The following SSTR3 variants were observed in gnomAD, a reference collection of about 807,000 sequenced individuals.
SSTR3 encodes the protein somatostatin receptor type 3.
For synonymous variants in SSTR3, 281 were observed against 269.2 expected, an observed-to-expected ratio of 1.04 and a Z score of -0.43; for missense variants, 504 against 604.7, an observed-to-expected ratio of 0.83 and a Z score of 1.75.
At chr22:37,215,199 G>A (rs1216368517), upstream of SSTR3, among the ~76,000 whole-genome samples, 1 of 152,036 alleles carries the variant, frequency 6.6e-6, no homozygotes, top group Non-Finnish European at 1.5e-5. Flanking sequence ...TAGTGAACCT[G>A]TATATATATG....
In SSTR3 at chr22:37,206,707, T is replaced by C. The variant is rs763537466; in HGVS notation, c.1097A>G (p.Lys366Arg). Residue 366 changes from lysine (K) to arginine (R), a missense_variant, in exon 2 of 2, where the codon AAG becomes AGG. Lys to Arg is a conservative substitution (Grantham distance 26). Transcript: ENST00000610913. Reference protein sequence around the residue: ...EDGEESREGGKGKEMNGRVSQ... With the variant: ...EDGEESREGGRGKEMNGRVSQ... ...GACCCGGCCGTTCATCTCCTTCCCC[T>C]TGCCCCCCTCCCTGCTCTCCTCCCC... The C allele has an allele frequency of 6.4e-7, 1 of 1,573,560 alleles. No homozygotes were observed. The highest frequency in any genetic ancestry group is 1.1e-5 in the South Asian group (1 of 90,532).
Position 37,206,654 on chromosome 22 carries a change from C to T in SSTR3, c.1150G>A (p.Gly384Arg), listed in dbSNP as rs1416970859. ...VSQITQPGTSGQERPPSRVAS... is the reference protein window; with the variant it reads ...VSQITQPGTSRQERPPSRVAS... Reference sequence around the variant, plus strand: ...ACTCTGCTGGGCGGCCGCTCCTGCCCGCTGGTGCCAGGCTGCGTGATCTGG... The same window carrying T: ...ACTCTGCTGGGCGGCCGCTCCTGCCTGCTGGTGCCAGGCTGCGTGATCTGG... The change falls in exon 2 of 2, where the codon GGG becomes AGG. Residue 384 changes from glycine to arginine, a missense_variant. Transcript: ENST00000610913. 6 of 1,610,670 alleles carry T rather than the reference C, an allele frequency of 3.7e-6. No homozygotes were observed. The highest frequency in any genetic ancestry group is 4.5e-5 in the East Asian group (2 of 44,902).
At chr22:37,215,445 G>T (rs768414381), upstream of SSTR3, among the ~76,000 whole-genome samples, 20 of 152,128 alleles carry the variant, frequency 1.3e-4, no homozygotes, top group Non-Finnish European at 1.9e-4. Flanking sequence ...GAATGCAGTG[G>T]TGCGATCTTG....
At chr22:37,209,738 T>C (rs1399688634) in intron 1 of SSTR3, among the ~76,000 whole-genome samples, 2 of 152,174 alleles carry the variant, frequency 1.3e-5, no homozygotes, top group Non-Finnish European at 2.9e-5. Context: ...TCTGGAAAGA[T>C]CTGTAGTGAC....
At chr22:37,207,896 C>T in intron 1 of SSTR3, 57 bp from the exon 2 acceptor site, 1 of 1,388,890 alleles carries the variant, frequency 7.2e-7, no homozygotes, top group African/African-American at 1.5e-5. Context: ...CTGTGCTGCC[C>T]CCTCCCATCA....
At chr22:37,210,670 G>A in intron 1 of SSTR3, 1 of 985,432 alleles carries the variant, frequency 1.0e-6, no homozygotes, top group Non-Finnish European at 1.2e-6. Context: ...CTGAAAGCTG[G>A]GGGCGGACTC....
chr22:37,218,602 G>A, the SSTR3 span, among the ~76,000 whole-genome samples: 1 of 152,138 alleles, frequency 6.6e-6, no homozygotes, highest in African/African-American at 2.4e-5. Flanking sequence ...GAGCATGGTA[G>A]GAGTGATGGG....
chr22:37,207,683 C>A lies in SSTR3; in HGVS notation c.121G>T (p.Ala41Ser). ...VSAGPSPAGL[A>S]VSGVLIPLVY... ...AGGGGGATCAGAACGCCACTGACGGCCAGCCCTGCCGGGCTTGGGCCCGCC... is the reference window on the plus strand; with the variant it reads ...AGGGGGATCAGAACGCCACTGACGGACAGCCCTGCCGGGCTTGGGCCCGCC... The change falls in exon 2 of 2, where the codon GCC becomes TCC. Residue 41 changes from alanine (A) to serine (S), a missense_variant. Coordinates refer to ENST00000610913, the MANE Select transcript of SSTR3 (RefSeq NM_001051.5). 6.4e-7 allele frequency: 1 copy of A among 1,567,884 alleles called. No individual in the cohort carries two copies. The highest frequency in any genetic ancestry group is 8.7e-7 in the Non-Finnish European group (1 of 1,153,318).
chr22:37,218,449 G>A, the SSTR3 span, among the ~76,000 whole-genome samples: 6 of 152,166 alleles, frequency 3.9e-5, no homozygotes, highest in Admixed American at 3.9e-4. Flanking sequence ...CAGCTACTCA[G>A]GAGGCTGAGG....
chr22:37,210,046 C>A (rs892019583), intron 1 of SSTR3, among the ~76,000 whole-genome samples: 2 of 152,236 alleles, frequency 1.3e-5, no homozygotes, highest in Non-Finnish European at 2.9e-5. Context: ...CAACCTGGAA[C>A]CTTAGAGTCC....
rs1415294488 is a variant in SSTR3, at chr22:37,207,126, G to C, written c.678C>G (p.Tyr226Ter). ...AGCGCACCTTCACCACGATGAGCAG[G>C]TAGCAGAGGCAGATGACCAGCAGCG... ...FGPLLVICLC[Y>*]LLIVVKVRSA... is the part of the protein sequence containing the mutation. Residue 226 changes from tyrosine to a stop codon, truncating the protein, a stop_gained, in exon 2 of 2, where the codon TAC (tyrosine) becomes TAG (stop). Transcript: ENST00000610913. LOFTEE classifies it low-confidence loss of function (END_TRUNC). The C allele has an allele frequency of 2.5e-6, 4 of 1,612,648 alleles. No individual in the cohort carries two copies. The highest frequency in any genetic ancestry group is 3.4e-6 in the Non-Finnish European group (4 of 1,179,696).
At chr22:37,209,691 A>T (rs1926072833) in intron 1 of SSTR3, among the ~76,000 whole-genome samples, 1 of 152,162 alleles carries the variant, frequency 6.6e-6, no homozygotes, top group Non-Finnish European at 1.5e-5. Flanking sequence ...AGCAAACGTG[A>T]GGTCACATGT....
chr22:37,219,864 G>C, the SSTR3 span, among the ~76,000 whole-genome samples: 1 of 152,162 alleles, frequency 6.6e-6, no homozygotes, highest in Non-Finnish European at 1.5e-5. Flanking sequence ...GTACATGGCT[G>C]GCACCTGGCT....
At chr22:37,219,871 G>A in the SSTR3 span, among the ~76,000 whole-genome samples, 9 of 152,158 alleles carry the variant, frequency 5.9e-5, no homozygotes, top group African/African-American at 2.2e-4. Context: ...GCTGGCACCT[G>A]GCTGGGGTGG....
At chr22:37,211,479 G>T (rs190869706) in intron 1 of SSTR3, among the ~76,000 whole-genome samples, 6 of 152,306 alleles carry the variant, frequency 3.9e-5, no homozygotes, top group African/African-American at 1.4e-4. Flanking sequence ...TGTTTGCAGA[G>T]ATTAAACGGA....
At position 37,206,848 on chromosome 22, in the gene SSTR3, C is replaced by T. The variant is rs779505244; in HGVS notation, c.956G>A (p.Arg319His). 6.8e-6 allele frequency: 11 copies of T among 1,613,144 alleles called. No individual in the cohort carries two copies. Among genetic ancestry groups the T allele is most frequent in the East Asian group, 2.2e-5 (1 of 44,876 alleles). The change falls in exon 2 of 2, where the codon CGC becomes CAC. Residue 319 changes from arginine to histidine, a missense_variant. Transcript: ENST00000610913. ...NPILYGFLSY[R>H]FKQGFRRVLL... The stretch of plus-strand genomic sequence containing the variant: ...GACCCTGCGGAAGCCCTGCTTGAAG[C>T]GGTAGGAGAGGAAGCCATAAAGGAT...
upstream of SSTR3, among the ~76,000 whole-genome samples, chr22:37,217,204 A>G (rs1926485037): frequency 6.6e-6 from 1 of 151,948 alleles, no homozygotes; most frequent in Admixed American, 6.5e-5. Context: ...TAGGTAGGCT[A>G]GGTATAGAAT....
chr22:37,217,807 G>A, the SSTR3 span, among the ~76,000 whole-genome samples: 1 of 152,106 alleles, frequency 6.6e-6, no homozygotes, highest in Admixed American at 6.5e-5. Context: ...GGGTTCAAGT[G>A]ATTCTTCTGC....
In SSTR3 at chr22:37,207,103, C is replaced by T. The variant is rs201174534; in HGVS notation, c.701G>A (p.Arg234His). 1.2e-4 allele frequency: 198 copies of T among 1,612,428 alleles called. No homozygotes were observed. The highest frequency in any genetic ancestry group is 1.1e-4 in the Non-Finnish European group (128 of 1,179,670). The stretch of plus-strand genomic sequence containing the variant: ...TGCCCACACCCGGCGCCCAGCTGAG[C>T]GCACCTTCACCACGATGAGCAGGTA... ...LCYLLIVVKVRSAGRRVWAPS... is the reference protein window; with the variant it reads ...LCYLLIVVKVHSAGRRVWAPS... The change falls in exon 2 of 2, where the codon CGC becomes CAC. Residue 234 changes from arginine to histidine, a missense_variant. Arg to His is a conservative substitution (Grantham distance 29, BLOSUM62 0). Coordinates refer to ENST00000610913, the MANE Select transcript of SSTR3 (RefSeq NM_001051.5).
Sources: allele counts gnomAD v4.1 joint callset (sites outside exome capture counted in the v4.1 genomes callset), GRCh38; gene constraint gnomAD v4.1.1; transcripts MANE v1.5; gene names NCBI Gene and HGNC (gene_info 2026-07-23, HGNC 2026-07-21).